SHC3: variants seen among roughly 807,000 people sequenced by gnomAD.
SHC3 encodes SHC adaptor protein 3.
In SHC3, 15 loss-of-function variants were observed where a neutral mutation model predicts 60.4. That is an observed-to-expected ratio of 0.25 (90% CI 0.17 to 0.38). The LOEUF is 0.38. SHC3 is among the 10% of genes least tolerant of loss of function. SHC3 has a pLI of 1.00. For synonymous variants in SHC3, 294 were observed against 325.9 expected (o/e 0.90, Z 1.05); for missense variants, 677 against 786.1 (o/e 0.86, Z 1.66).
At chr9:89,158,849 A>G (rs1826664692) in intron 1 of SHC3, among the ~76,000 whole-genome samples, 1 of 152,262 alleles carries the variant, frequency 6.6e-6, no homozygotes, top group Non-Finnish European at 1.5e-5. Flanking sequence ...TAAATGTACC[A>G]GAATTTACCC....
intron 1 of SHC3, among the ~76,000 whole-genome samples, chr9:89,143,996 T>G (rs1288411816): frequency 2.0e-5 from 3 of 152,206 alleles, no homozygotes; most frequent in African/African-American, 7.2e-5. Flanking sequence ...TGAGCCCTAG[T>G]GTTCACTCTT....
intron 2 of SHC3, among the ~76,000 whole-genome samples, chr9:89,090,635 T>A (rs1399975218): frequency 1.3e-5 from 2 of 151,834 alleles, no homozygotes; most frequent in Non-Finnish European, 2.9e-5. Context: ...ACAGAAATGA[T>A]GAAGAGAGAG....
intron 1 of SHC3, among the ~76,000 whole-genome samples, chr9:89,140,897 G>T (rs1181602763): frequency 6.6e-6 from 1 of 152,086 alleles, no homozygotes; most frequent in African/African-American, 2.4e-5. Flanking sequence ...GAAAGAACAA[G>T]ATTCAAGAAG....
chr9:89,128,413 C>G (rs959194346), intron 1 of SHC3, among the ~76,000 whole-genome samples: 1 of 152,154 alleles, frequency 6.6e-6, no homozygotes, highest in Non-Finnish European at 1.5e-5. Context: ...GTTCTCCCAG[C>G]ACGGAGTTTG....
At chr9:89,092,255 T>C (rs1030164158) in intron 2 of SHC3, among the ~76,000 whole-genome samples, 1 of 152,098 alleles carries the variant, frequency 6.6e-6, no homozygotes, top group Non-Finnish European at 1.5e-5. Context: ...TTGTTTTGCC[T>C]AGCAAAAGAA....
At chr9:89,169,299 G>C (rs1826835848) in intron 1 of SHC3, among the ~76,000 whole-genome samples, 1 of 152,114 alleles carries the variant, frequency 6.6e-6, no homozygotes, top group Admixed American at 6.5e-5. Context: ...AGCTCTCAGT[G>C]CTTCTCAGGG....
intron 2 of SHC3, among the ~76,000 whole-genome samples, chr9:89,099,331 A>G (rs1052155990): frequency 1.3e-5 from 2 of 152,254 alleles, no homozygotes; most frequent in Non-Finnish European, 2.9e-5. Flanking sequence ...GGTAAGTGAA[A>G]TAAGTTAAAG....
At chr9:89,136,768 C>G (rs973987259) in intron 1 of SHC3, among the ~76,000 whole-genome samples, 1 of 152,078 alleles carries the variant, frequency 6.6e-6, no homozygotes, top group Non-Finnish European at 1.5e-5. Context: ...CTTTCTTGTG[C>G]GAGATCCAAG....
chr9:89,156,837 C>T lies in SHC3; in HGVS notation c.474+21150G>A, dbSNP rs373041375. Among the ~76,000 whole-genome samples the T allele has an allele frequency of 8.5e-5, 13 of 152,286 alleles. No individual in the cohort carries two copies. The East Asian group carries it at 1.7e-3, about 20-fold the overall frequency. ...CTCACCTTCTTTTCTGCCGATCACA[C>T]ATTCTTAGACAAAGCTTTGACTCCT... On this transcript the variant is annotated intron_variant, in intron 1 of 11. Transcript: ENST00000375835.
At chr9:89,112,852 C>CTGTTCATCTTATTTGGATGTATTTTGTAT (rs1825969996) in intron 1 of SHC3, among the ~76,000 whole-genome samples, 1 of 152,018 alleles carries the variant, frequency 6.6e-6, no homozygotes, top group Non-Finnish European at 1.5e-5. Flanking sequence ...TTTCTAAAAC[C>CTGTTCATCTTATTTGGATGTATTTTGTAT]TGTTAGTATT....
intron 1 of SHC3, among the ~76,000 whole-genome samples, chr9:89,128,277 G>A (rs929683080): frequency 6.6e-6 from 1 of 152,128 alleles, no homozygotes; most frequent in African/African-American, 2.4e-5. Flanking sequence ...TCAGATATTA[G>A]GTTTGCTAAA....
Position 89,006,288 on chromosome 9 carries a change from T to C in SHC3, c.*7159A>G, listed in dbSNP as rs1348734194. The C allele has an allele frequency of 2.0e-5, 3 of 152,252 alleles. No individual in the cohort carries two copies. The highest frequency in any genetic ancestry group is 7.2e-5 in the African/African-American group (3 of 41,468). The allele number at this position is 152,252 out of a possible 1,614,324, so 9.4% of individuals were successfully genotyped here. On this transcript the variant is annotated 3_prime_UTR_variant, in exon 12 of 12. Transcript: ENST00000375835. ...TTTCCTGACAGAGTGAAGGAATCCC[T>C]GTGGATTTATCAAAAGGGAGGAGGG...
At chr9:89,019,014 A>G (rs1309049589) in intron 11 of SHC3, among the ~76,000 whole-genome samples, 1 of 151,082 alleles carries the variant, frequency 6.6e-6, no homozygotes, top group Non-Finnish European at 1.5e-5. Flanking sequence ...AACTGAGATC[A>G]TGCCACTGCA....
chr9:89,145,583 C>T (rs1587752387), intron 1 of SHC3, among the ~76,000 whole-genome samples: 1 of 152,200 alleles, frequency 6.6e-6, no homozygotes, highest in Non-Finnish European at 1.5e-5. Flanking sequence ...CGGTGTCCAT[C>T]AAATACAAAG....
chr9:89,026,964 C>T (rs771646702), intron 11 of SHC3, among the ~76,000 whole-genome samples: 4 of 152,266 alleles, frequency 2.6e-5, no homozygotes, highest in Non-Finnish European at 4.4e-5. Flanking sequence ...CTGAGAAGCC[C>T]CTTGTCATCT....
At chr9:89,122,052 T>C (rs1826099956) in intron 1 of SHC3, among the ~76,000 whole-genome samples, 1 of 152,222 alleles carries the variant, frequency 6.6e-6, no homozygotes, top group South Asian at 2.1e-4. Flanking sequence ...GCTCTTGAAA[T>C]TCTTCCACAA....
At chr9:89,099,216 C>T (rs1473645879) in intron 2 of SHC3, among the ~76,000 whole-genome samples, 1 of 152,106 alleles carries the variant, frequency 6.6e-6, no homozygotes, top group Non-Finnish European at 1.5e-5. Flanking sequence ...ACAACATTTT[C>T]CTATCACTTA....
At chr9:89,065,325 G>A (rs1043659613) in intron 6 of SHC3, among the ~76,000 whole-genome samples, 14 of 152,174 alleles carry the variant, frequency 9.2e-5, no homozygotes, top group Admixed American at 3.9e-4. Context: ...GGATACAAGC[G>A]TGTGTTTGGT....
At chr9:89,016,212 G>A (rs565310902) in intron 11 of SHC3, among the ~76,000 whole-genome samples, 1 of 152,156 alleles carries the variant, frequency 6.6e-6, no homozygotes, top group South Asian at 2.1e-4. Context: ...AGAAAGAAAA[G>A]AGGGGACCCC....
Sources: gnomAD v4.1 joint callset for allele counts (sites outside exome capture counted in the v4.1 genomes callset) on GRCh38, gnomAD v4.1.1 for gene constraint, MANE v1.5 for transcripts, NCBI Gene and HGNC (gene_info 2026-07-23, HGNC 2026-07-21) for gene names.